SLC36A1: variants seen among roughly 807,000 people sequenced by gnomAD.
SLC36A1 encodes proton-coupled amino acid transporter 1.
Under a neutral mutation model 47.5 loss-of-function variants are expected in SLC36A1, and 30 were observed. The observed-to-expected ratio is 0.63, with a 90% CI of 0.47 to 0.86. The LOEUF (loss-of-function observed/expected upper bound fraction) is 0.86, where lower values mean the gene tolerates loss of function less well. Among genes scored for constraint, SLC36A1 ranks in the 40% least tolerant of loss-of-function variants. The pLI is 0.00. For missense variants in SLC36A1, 517 were observed against 606.0 expected, an observed-to-expected ratio of 0.85 and a Z score of 1.54; for synonymous variants, 255 against 249.7, an observed-to-expected ratio of 1.02 and a Z score of -0.20.
At chr5:151,411,113 A>T in the SLC36A1 span, among the ~76,000 whole-genome samples, 6 of 144,828 alleles carry the variant, frequency 4.1e-5, 2 homozygotes, top group Non-Finnish European at 7.6e-5. Flanking sequence ...AGTGTGACTT[A>T]TCCAGGGTCA....
At chr5:151,467,449 G>A (rs1756601588) in intron 6 of SLC36A1, among the ~76,000 whole-genome samples, 166 bp downstream of exon 6, 1 of 152,066 alleles carries the variant, frequency 6.6e-6, no homozygotes, top group South Asian at 2.1e-4. Flanking sequence ...GATTCCCATG[G>A]AAAGAGCTCG....
chr5:151,477,196 C>T (rs165353), intron 9 of SLC36A1, among the ~76,000 whole-genome samples: 58,778 of 151,910 alleles, frequency 0.39, 11,504 homozygotes, highest in East Asian at 0.51. Context: ...TTTGTACCTC[C>T]CTTGCATTGG....
chr5:151,546,257 C>T, the SLC36A1 span: 2 of 1,614,170 alleles, frequency 1.2e-6, no homozygotes, highest in South Asian at 1.1e-5. Context: ...GTATGTGGGG[C>T]ATGATTTGCC....
chr5:151,369,129 T>C, the SLC36A1 span, among the ~76,000 whole-genome samples: 3 of 152,332 alleles, frequency 2.0e-5, no homozygotes, highest in Admixed American at 2.0e-4. Context: ...TGAAGTTTTC[T>C]AAAAAACTAT....
chr5:151,480,908 G>T (rs1174243239), intron 10 of SLC36A1, among the ~76,000 whole-genome samples: 2 of 152,188 alleles, frequency 1.3e-5, no homozygotes, highest in East Asian at 3.9e-4. Flanking sequence ...TCCGGAAAAA[G>T]TAGGTCTCTG....
At chr5:151,379,946 C>T in the SLC36A1 span, among the ~76,000 whole-genome samples, 16 of 151,028 alleles carry the variant, frequency 1.1e-4, no homozygotes, top group Middle Eastern at 3.4e-3. Flanking sequence ...GGTCTCTAAT[C>T]GATAATCTAA....
chr5:151,393,812 C>T, the SLC36A1 span, among the ~76,000 whole-genome samples: 15 of 152,150 alleles, frequency 9.9e-5, no homozygotes, highest in African/African-American at 3.4e-4. Context: ...GTAACCCGAC[C>T]TTTCTCTCTG....
chr5:151,551,199 C>T, the SLC36A1 span, among the ~76,000 whole-genome samples: 1 of 152,114 alleles, frequency 6.6e-6, no homozygotes, highest in Admixed American at 6.5e-5. Context: ...AACCATCATC[C>T]CCCTATACCC....
At chr5:151,369,082 G>A in the SLC36A1 span, among the ~76,000 whole-genome samples, 1 of 152,130 alleles carries the variant, frequency 6.6e-6, no homozygotes, top group Non-Finnish European at 1.5e-5. Context: ...TCTTACTGAT[G>A]TTCAAAAATT....
the SLC36A1 span, among the ~76,000 whole-genome samples, chr5:151,355,515 G>T: frequency 6.6e-6 from 1 of 152,002 alleles, no homozygotes. Flanking sequence ...GCTCACACAC[G>T]TATACCCCAG....
At chr5:151,515,279 T>C in the SLC36A1 span, among the ~76,000 whole-genome samples, 2 of 152,240 alleles carry the variant, frequency 1.3e-5, no homozygotes, top group Non-Finnish European at 2.9e-5. Context: ...TCTCCTTTGT[T>C]GAATCCCCTC....
the SLC36A1 span, chr5:151,554,558 C>T: frequency 4.2e-5 from 68 of 1,614,040 alleles, no homozygotes; most frequent in Middle Eastern, 1.6e-4. Flanking sequence ...CTCTGGAAGG[C>T]GGACATTGAA....
the SLC36A1 span, chr5:151,531,698 C>T: frequency 6.2e-7 from 1 of 1,613,882 alleles, no homozygotes; most frequent in South Asian, 1.1e-5. This position sits in a 1 kb window ranked among gnomAD's most constrained non-coding sequence, Gnocchi z 5.7. Flanking sequence ...ACCTCCGTGC[C>T]AGGTGGGGCG....
the SLC36A1 span, among the ~76,000 whole-genome samples, chr5:151,400,781 G>A: frequency 2.6e-5 from 4 of 152,168 alleles, no homozygotes; most frequent in Non-Finnish European, 5.9e-5. Context: ...TAGTGATGTT[G>A]AGCATTTTTT....
At chr5:151,399,518 A>G in the SLC36A1 span, among the ~76,000 whole-genome samples, 1 of 152,228 alleles carries the variant, frequency 6.6e-6, no homozygotes, top group African/African-American at 2.4e-5. Flanking sequence ...TCAGAGGATA[A>G]GAAATATTTG....
the SLC36A1 span, chr5:151,378,239 C>G: frequency 1.8e-5 from 4 of 225,428 alleles, no homozygotes; most frequent in Non-Finnish European, 3.8e-5. Context: ...ATACAAAGTT[C>G]TGGTTCATTA....
At chr5:151,553,211 C>A in the SLC36A1 span, 9 of 1,614,270 alleles carry the variant, frequency 5.6e-6, no homozygotes, top group Non-Finnish European at 7.6e-6. Flanking sequence ...CGGGTCTGCC[C>A]TCTACGCTGA....
At chr5:151,388,840 T>C in the SLC36A1 span, among the ~76,000 whole-genome samples, 1 of 152,214 alleles carries the variant, frequency 6.6e-6, no homozygotes, top group Non-Finnish European at 1.5e-5. Flanking sequence ...CCCTGAACTT[T>C]ATATGCCTCA....
chr5:151,529,323 C>T, the SLC36A1 span: 2 of 1,614,024 alleles, frequency 1.2e-6, no homozygotes, highest in Non-Finnish European at 1.7e-6. Flanking sequence ...GCTCTTCCGG[C>T]TGCACTCAAT....
Sources: gnomAD v4.1 joint callset for allele counts (sites outside exome capture counted in the v4.1 genomes callset) on GRCh38, gnomAD v4.1.1 for gene constraint, Gnocchi (gnomAD v3.1) non-coding constraint, MANE v1.5 for transcripts, NCBI Gene and HGNC (gene_info 2026-07-23, HGNC 2026-07-21) for gene names.